Variants in SUCLG2 observed in about 807,000 individuals in gnomAD.
SUCLG2 encodes succinate-CoA ligase GDP-forming subunit beta, also known as succinate--CoA ligase [GDP-forming] subunit beta, mitochondrial.
In SUCLG2, 42 loss-of-function variants were observed where a neutral mutation model predicts 47.9. The ratio of observed to expected loss-of-function variants is 0.88; its 90% CI spans 0.69 to 1.14. The LOEUF (loss-of-function observed/expected upper bound fraction) is 1.14. Ranked by LOEUF, SUCLG2 falls within the 50% of genes most tolerant of loss-of-function variation. The pLI is 0.00. For synonymous variants in SUCLG2, 195 were observed against 197.3 expected (o/e 0.99, Z 0.10); for missense variants, 571 against 525.9 (o/e 1.09, Z -0.84).
At chr3:67,553,071 T>A (rs1707060218) in intron 2 of SUCLG2, among the ~76,000 whole-genome samples, 1 of 152,246 alleles carries the variant, frequency 6.6e-6, no homozygotes, top group African/African-American at 2.4e-5. Flanking sequence ...ATGCTTTTTC[T>A]ATGACATCTC....
intron 2 of SUCLG2, among the ~76,000 whole-genome samples, chr3:67,541,401 G>C (rs534005749): frequency 2.0e-5 from 3 of 152,212 alleles, no homozygotes; most frequent in African/African-American, 4.8e-5. Flanking sequence ...AGTATCAATA[G>C]CTAGATCGAT....
At chr3:67,593,302 A>G (rs933454620) in intron 2 of SUCLG2, among the ~76,000 whole-genome samples, 40 of 144,250 alleles carry the variant, frequency 2.8e-4, no homozygotes, top group African/African-American at 1.0e-3. Flanking sequence ...AGCAAATAGC[A>G]TATTTAATTG....
chr3:67,536,051 A>G (rs1706532969), intron 2 of SUCLG2, among the ~76,000 whole-genome samples: 1 of 152,180 alleles, frequency 6.6e-6, no homozygotes, highest in Non-Finnish European at 1.5e-5. Context: ...CTTTAGTTGC[A>G]TATTATTGAA....
intron 2 of SUCLG2, among the ~76,000 whole-genome samples, chr3:67,550,374 C>CT (rs1706980886): frequency 6.6e-6 from 1 of 152,152 alleles, no homozygotes. Context: ...GGGTCTCACT[C>CT]TATCACCCAG....
At chr3:67,378,826 C>T (rs74977574) in intron 10 of SUCLG2, among the ~76,000 whole-genome samples, 23,096 of 152,202 alleles carry the variant, frequency 0.15, 1,903 homozygotes, top group Middle Eastern at 0.23. Context: ...AGATAGCAGG[C>T]TAAGGAATTT....
chr3:67,526,148 T>C (rs1188401231), intron 4 of SUCLG2, among the ~76,000 whole-genome samples: 4 of 152,124 alleles, frequency 2.6e-5, no homozygotes. Context: ...GCAAAACAGG[T>C]CTAAGCTAGT....
intron 9 of SUCLG2, among the ~76,000 whole-genome samples, chr3:67,489,479 G>A (rs934868628): frequency 6.6e-6 from 1 of 152,048 alleles, no homozygotes; most frequent in Non-Finnish European, 1.5e-5. Flanking sequence ...CTATCAGGTC[G>A]ACTACCACTA....
At chr3:67,390,392 C>G (rs1014823511) in intron 10 of SUCLG2, among the ~76,000 whole-genome samples, 1 of 152,154 alleles carries the variant, frequency 6.6e-6, no homozygotes, top group Non-Finnish European at 1.5e-5. Context: ...GTGGACAAAT[C>G]TTTGTTCTCA....
chr3:67,487,625 G>A (rs1177814871), intron 9 of SUCLG2, among the ~76,000 whole-genome samples: 1 of 151,970 alleles, frequency 6.6e-6, no homozygotes, highest in Non-Finnish European at 1.5e-5. Flanking sequence ...CATTACAAAT[G>A]CTGAATAGAA....
chr3:67,469,906 G>A (rs1447294986), intron 9 of SUCLG2, among the ~76,000 whole-genome samples: 5 of 152,040 alleles, frequency 3.3e-5, no homozygotes, highest in Admixed American at 2.0e-4. Context: ...TTAGCTGGGT[G>A]TGGTGGTGCA....
At chr3:67,571,486 T>C (rs1707605777) in intron 2 of SUCLG2, among the ~76,000 whole-genome samples, 1 of 152,184 alleles carries the variant, frequency 6.6e-6, no homozygotes, top group African/African-American at 2.4e-5. Context: ...CAAATGCCAA[T>C]TCCACATAAA....
chr3:67,549,427 C>T (rs1026983646), intron 2 of SUCLG2, among the ~76,000 whole-genome samples: 2 of 152,118 alleles, frequency 1.3e-5, no homozygotes, highest in Admixed American at 6.5e-5. Context: ...AAAGCCAAAA[C>T]ATATCTGTGG....
chr3:67,567,874 A>G (rs151212542), intron 2 of SUCLG2, among the ~76,000 whole-genome samples: 12 of 152,342 alleles, frequency 7.9e-5, no homozygotes, highest in African/African-American at 1.4e-4. Context: ...CTATCATTTT[A>G]CAAAGTTAAT....
At chr3:67,514,136 T>C in intron 6 of SUCLG2, 1 of 299,918 alleles carries the variant, frequency 3.3e-6, no homozygotes, top group East Asian at 8.9e-5. Flanking sequence ...CCTGCCTTGA[T>C]TTGTTGGACC....
intron 2 of SUCLG2, among the ~76,000 whole-genome samples, chr3:67,593,552 G>A (rs143360326): frequency 3.6e-4 from 55 of 152,232 alleles, no homozygotes; most frequent in Non-Finnish European, 6.5e-4. Context: ...CACATCTCCC[G>A]TGTAAACCTC....
chr3:67,651,575 A>G (rs75628173), intron 1 of SUCLG2, among the ~76,000 whole-genome samples: 1,891 of 152,328 alleles, frequency 0.012, 36 homozygotes, highest in East Asian at 0.048. Context: ...AACCAGCGTT[A>G]TAAGTCAGGG....
At position 67,631,976 on chromosome 3, in the gene SUCLG2, C is replaced by A. The variant is rs370962749; in HGVS notation, c.85-22380G>T. ...CAAATAATAATGGTTCCTGTGACAA[C>A]AAATTATTAGACAAGGTCAGGCACT... is the stretch of plus-strand genomic sequence containing the variant. On this transcript the variant is annotated intron_variant, in intron 1 of 10. Coordinates refer to ENST00000307227, the MANE Select transcript of SUCLG2 (RefSeq NM_003848.4). Among the ~76,000 whole-genome samples, 10 of 152,314 alleles carry A rather than the reference C, an allele frequency of 6.6e-5. No individual in the cohort carries two copies. In the South Asian group the frequency reaches 2.1e-3, roughly 32 times the overall value.
intron 2 of SUCLG2, among the ~76,000 whole-genome samples, chr3:67,536,035 C>G (rs1169444127): frequency 1.3e-5 from 2 of 152,150 alleles, no homozygotes; most frequent in African/African-American, 4.8e-5. Context: ...TGAGAATCCA[C>G]CTCTCCTTTA....
chr3:67,601,593 G>C (rs897044651), intron 2 of SUCLG2, among the ~76,000 whole-genome samples: 2 of 152,104 alleles, frequency 1.3e-5, no homozygotes, highest in Admixed American at 6.5e-5. Context: ...AAGGCCCCCA[G>C]GGTAAAATAT....
Sources: gnomAD v4.1 joint callset for allele counts (sites outside exome capture counted in the v4.1 genomes callset) on GRCh38, gnomAD v4.1.1 for gene constraint, MANE v1.5 for transcripts, NCBI Gene and HGNC (gene_info 2026-07-23, HGNC 2026-07-21) for gene names.